The following DOK7 variants were observed in gnomAD, a reference collection of about 807,000 sequenced individuals.
DOK7 encodes the protein protein Dok-7.
A neutral mutation model predicts 30.7 loss-of-function variants in DOK7; 32 were observed. The ratio of observed to expected loss-of-function variants is 1.04; its 90% CI spans 0.79 to 1.40. The LOEUF is 1.40. Ranked by LOEUF, DOK7 falls within the 40% of genes most tolerant of loss-of-function variation. DOK7 has a pLI of 0.00. For missense variants in DOK7, 1,007 were observed against 699.2 expected (o/e 1.44, Z -4.97); for synonymous variants, 447 against 324.1 (o/e 1.38, Z -4.07).
chr4:3,500,735 C>T (rs766525322), exon 8 of DOK7: 41 of 1,535,482 alleles, frequency 2.7e-5, no homozygotes, highest in Non-Finnish European at 3.2e-5. Context: ...TCATGGCCAC[C>T]GAGACGGCGC....
At chr4:3,496,951 TGGGGAGG>T (rs1344863691), downstream of DOK7, 10 of 48,886 alleles carry the variant, frequency 2.0e-4, 1 homozygote, top group African/African-American at 3.4e-4. Flanking sequence ...TTTGACTAGA[TGGGGAGG>T]GGGGAGGGTG....
chr4:3,490,239 C>CTTTCTTCACCCCTTCA (rs1728176198), intron 6 of DOK7, among the ~76,000 whole-genome samples: 1 of 89,128 alleles, frequency 1.1e-5, no homozygotes, highest in Non-Finnish European at 2.2e-5. Context: ...TCATTCATTC[C>CTTTCTTCACCCCTTCA]TTCCTTTTCT....
At chr4:3,495,158 TCACTGGGCTG>T (rs1728835322), downstream of DOK7, among the ~76,000 whole-genome samples, 2 of 152,200 alleles carry the variant, frequency 1.3e-5, no homozygotes, top group East Asian at 3.9e-4. Context: ...AGACCCCGCC[TCACTGGGCTG>T]CACTGAGGGT....
At position 3,485,645 on chromosome 4, in the gene DOK7, G is replaced by T; in HGVS notation, c.639G>T (p.Arg213=). ...CCACCAAGGGCCCCTTTGGGCTGCGGCCGGTTCTACCAGGTGCGTGTGGGA... is the reference window on the plus strand; with the variant it reads ...CCACCAAGGGCCCCTTTGGGCTGCGTCCGGTTCTACCAGGTGCGTGTGGGA... ...ISPTKGPFGL[R]PVLPDPSPPG... Residue 213 remains arginine, a synonymous_variant, in exon 5 of 7, where the codon CGG becomes CGT. Transcript: ENST00000340083. 1 of 1,600,120 alleles carries T rather than the reference G, an allele frequency of 6.2e-7. No individual in the cohort carries two copies. Among genetic ancestry groups the T allele is most frequent in the Non-Finnish European group, 8.5e-7 (1 of 1,172,948 alleles).
At chr4:3,472,962 T>A (rs1560209468) in intron 2 of DOK7, among the ~76,000 whole-genome samples, 2 of 152,026 alleles carry the variant, frequency 1.3e-5, no homozygotes, top group East Asian at 1.9e-4. Context: ...TGGGCACAGG[T>A]GTGGCTGGCA....
rs149525610 is a variant in DOK7, at chr4:3,493,154, C to A, written c.1168C>A (p.Pro390Thr). Residue 390 changes from proline to threonine, a missense_variant, in exon 7 of 7, where the codon CCC (proline) becomes ACC (threonine). Pro to Thr is a conservative substitution (Grantham distance 38, BLOSUM62 -1). Coordinates refer to ENST00000340083, the MANE Select transcript of DOK7 (RefSeq NM_173660.5). ...APEPSLCTCL[P>T]GTVEYQVPTS... ...CGAGCCCAGCCTGTGCACCTGCCTG[C>A]CCGGGACAGTCGAGTACCAGGTGCC... 232 of 1,604,822 alleles carry A rather than the reference C, an allele frequency of 1.4e-4. No individual in the cohort carries two copies. Among genetic ancestry groups the A allele is most frequent in the Non-Finnish European group, 1.9e-4 (229 of 1,177,230 alleles).
chr4:3,500,996 C>A (rs1300454238), exon 8 of DOK7: 11 of 1,060,174 alleles, frequency 1.0e-5, no homozygotes, highest in Non-Finnish European at 1.4e-5. Flanking sequence ...TTTCAGGGCC[C>A]ACGGCCAGGC....
downstream of DOK7, among the ~76,000 whole-genome samples, chr4:3,495,545 C>T (rs1006732884): frequency 2.6e-5 from 4 of 152,236 alleles, no homozygotes; most frequent in South Asian, 2.1e-4. Context: ...GAGTGGGCCT[C>T]GCTCCGGGCG....
intron 4 of DOK7, among the ~76,000 whole-genome samples, chr4:3,481,288 G>T (rs1164850613): frequency 6.6e-6 from 1 of 152,148 alleles, no homozygotes; most frequent in Non-Finnish European, 1.5e-5. Flanking sequence ...GAAGAGGCTG[G>T]CAGGGGCCAG....
At chr4:3,485,800 A>G (rs1012120829) in intron 5 of DOK7, 142 bp downstream of exon 5, 8 of 1,289,394 alleles carry the variant, frequency 6.2e-6, no homozygotes, top group East Asian at 6.1e-5. Flanking sequence ...GAACCTTTCC[A>G]GGCCAGGATT....
chr4:3,495,627 G>A (rs1280951534), downstream of DOK7, among the ~76,000 whole-genome samples: 1 of 152,230 alleles, frequency 6.6e-6, no homozygotes. Context: ...TCCCAGGTGG[G>A]TGGCCAACAG....
Position 3,492,749 on chromosome 4 carries a change from T to A in DOK7, c.773-10T>A, listed in dbSNP as rs1341667520. On this transcript the variant is annotated splice_polypyrimidine_tract_variant and intron_variant, in intron 6 of 6. Transcript: ENST00000340083. Reference sequence around the variant, plus strand: ...CCCCACAACTGCCTTGGCTTCCTGCTCTGTCTCAGGGGATGACCGCAGCCT... The same window carrying A: ...CCCCACAACTGCCTTGGCTTCCTGCACTGTCTCAGGGGATGACCGCAGCCT... 6.2e-7 allele frequency: 1 copy of A among 1,612,044 alleles called. No homozygotes were observed.
chr4:3,466,436 G>A (rs1726268644), intron 2 of DOK7, among the ~76,000 whole-genome samples: 1 of 152,148 alleles, frequency 6.6e-6, no homozygotes, highest in African/African-American at 2.4e-5. Flanking sequence ...CTCCGCTAAC[G>A]AGGGGCTGGG....
At chr4:3,481,863 A>G (rs1727461708) in intron 4 of DOK7, among the ~76,000 whole-genome samples, 1 of 152,196 alleles carries the variant, frequency 6.6e-6, no homozygotes, top group Admixed American at 6.5e-5. Context: ...TCCTGGAGTT[A>G]GTGCAACAGC....
chr4:3,488,907 T>C (rs1881799), intron 5 of DOK7, among the ~76,000 whole-genome samples: 6,980 of 152,144 alleles, frequency 0.046, 197 homozygotes, highest in Admixed American at 0.068. Flanking sequence ...TGGCCCAGTG[T>C]TCACATCACT....
In DOK7 at chr4:3,493,681, T is replaced by C. The variant is rs1323096030; in HGVS notation, c.*180T>C. 6.9e-7 allele frequency: 1 copy of C among 1,446,860 alleles called. No homozygotes were observed. Among genetic ancestry groups the C allele is most frequent in the Non-Finnish European group, 9.1e-7 (1 of 1,100,738 alleles). The allele number at this position is 1,446,860 out of a possible 1,614,324, so 89.6% of individuals were successfully genotyped here. On this transcript the variant is annotated 3_prime_UTR_variant, in exon 7 of 7. Coordinates refer to ENST00000340083, the MANE Select transcript of DOK7 (RefSeq NM_173660.5). ...GCTGCCACCGGAGGAAGGGGCTGAC[T>C]TGGGGAGGTGAGTTCTGGAAGGCAG...
downstream of DOK7, among the ~76,000 whole-genome samples, chr4:3,494,686 G>A: frequency 6.6e-6 from 1 of 152,048 alleles, no homozygotes; most frequent in Non-Finnish European, 1.5e-5. Flanking sequence ...CCCGGGCTGG[G>A]ATGTGCATGT....
At chr4:3,498,680 GCCCTGCTGGCCCTGT>G (rs1729042527), downstream of DOK7, among the ~76,000 whole-genome samples, 1 of 152,138 alleles carries the variant, frequency 6.6e-6, no homozygotes, top group Non-Finnish European at 1.5e-5. Context: ...TAGGCAGCTG[GCCCTGCTGGCCCTGT>G]CCCTGCTGGC....
At chr4:3,467,417 G>A (rs533899186) in intron 2 of DOK7, among the ~76,000 whole-genome samples, 1 of 151,316 alleles carries the variant, frequency 6.6e-6, no homozygotes, top group Non-Finnish European at 1.5e-5. Flanking sequence ...CCGGTGTCTG[G>A]TGGGCTTCTC....
Sources: allele counts gnomAD v4.1 joint callset (sites outside exome capture counted in the v4.1 genomes callset), GRCh38; gene constraint gnomAD v4.1.1; transcripts MANE v1.5; gene names NCBI Gene and HGNC (gene_info 2026-07-23, HGNC 2026-07-21).